The following TPTE variants were observed in gnomAD, a reference collection of about 807,000 sequenced individuals.
The protein encoded by TPTE is transmembrane phosphatase with tensin homology.
A neutral mutation model predicts 84.1 loss-of-function variants in TPTE; 59 were observed. That is an observed-to-expected ratio of 0.70 (90% CI 0.57 to 0.87). The LOEUF (loss-of-function observed/expected upper bound fraction) is 0.87. Among genes scored for constraint, TPTE ranks in the 40% least tolerant of loss-of-function variants. The pLI is 0.00. For synonymous variants in TPTE, 130 were observed against 223.5 expected, an observed-to-expected ratio of 0.58 and a Z score of 3.73; for missense variants, 382 against 659.6, an observed-to-expected ratio of 0.58 and a Z score of 4.61.
intron 14 of TPTE, among the ~76,000 whole-genome samples, chr21:10,572,583 A>G (rs1473204145): frequency 6.6e-6 from 1 of 152,118 alleles, no homozygotes; most frequent in Non-Finnish European, 1.5e-5. Context: ...AGACAATAAG[A>G]TGGGATGATA....
chr21:10,542,387 T>C lies in TPTE; in HGVS notation c.66-8T>C. 6.2e-7 allele frequency: 1 copy of C among 1,610,942 alleles called. No homozygotes were observed. Among genetic ancestry groups the C allele is most frequent in the Non-Finnish European group, 8.5e-7 (1 of 1,177,748 alleles). ...CCTCTCTGACTGTTTTCTCTTATCA[T>C]CCACTAGTCCACAGACAAGTGAATT... On this transcript the variant is annotated splice_region_variant and splice_polypyrimidine_tract_variant and intron_variant, in intron 5 of 23. Transcript: ENST00000618007.
At chr21:10,575,689 G>T (rs1163245564) in intron 14 of TPTE, among the ~76,000 whole-genome samples, 1 of 152,304 alleles carries the variant, frequency 6.6e-6, no homozygotes, top group Non-Finnish European at 1.5e-5. Context: ...CTGTTTCTCA[G>T]CCTTCACTGG....
At chr21:10,563,908 C>T (rs1454665957) in intron 10 of TPTE, among the ~76,000 whole-genome samples, 1 of 152,308 alleles carries the variant, frequency 6.6e-6, no homozygotes, top group Non-Finnish European at 1.5e-5. Flanking sequence ...GTAATCCCAG[C>T]AGTTTGGGAG....
At chr21:10,550,368 T>C (rs1205288545) in intron 7 of TPTE, among the ~76,000 whole-genome samples, 4 of 152,306 alleles carry the variant, frequency 2.6e-5, no homozygotes, top group Non-Finnish European at 4.4e-5. Context: ...ACACATAGAC[T>C]GATAATAAAG....
At chr21:10,540,911 A>C (rs554762670) in intron 4 of TPTE, among the ~76,000 whole-genome samples, 1 of 152,422 alleles carries the variant, frequency 6.6e-6, no homozygotes, top group African/African-American at 2.4e-5. Context: ...CTATGGTCAC[A>C]GCCTAAAATG....
intron 6 of TPTE, 111 bp downstream of exon 6, chr21:10,542,559 C>CCATCCATT (rs2074389509): frequency 3.0e-5 from 39 of 1,293,262 alleles, no homozygotes; most frequent in Non-Finnish European, 4.2e-5. Flanking sequence ...ATCCATCCAT[C>CCATCCATT]CATTCATCCA....
intron 19 of TPTE, among the ~76,000 whole-genome samples, chr21:10,592,805 G>GGT (rs4041809): frequency 0.046 from 6,821 of 148,528 alleles, 4 homozygotes; most frequent in African/African-American, 0.11. Flanking sequence ...GATGACTCCT[G>GGT]GTGTGTGTGT....
At chr21:10,532,624 C>T (rs936389130) in intron 3 of TPTE, among the ~76,000 whole-genome samples, 5 of 152,302 alleles carry the variant, frequency 3.3e-5, no homozygotes, top group African/African-American at 1.2e-4. Context: ...CTTATTAATG[C>T]TTATATATTG....
At chr21:10,539,731 G>T (rs2074332431) in intron 4 of TPTE, among the ~76,000 whole-genome samples, 1 of 152,308 alleles carries the variant, frequency 6.6e-6, no homozygotes, top group Middle Eastern at 3.2e-3. Flanking sequence ...TAGTTGGAAG[G>T]TCGGGTGCGG....
chr21:10,604,582 CTTTGTA>C (rs1332695323), intron 23 of TPTE, among the ~76,000 whole-genome samples: 1 of 152,300 alleles, frequency 6.6e-6, no homozygotes, highest in Non-Finnish European at 1.5e-5. Flanking sequence ...ATAGAGTCAA[CTTTGTA>C]TTTGATGGAA....
chr21:10,600,060 C>T (rs113215150), intron 21 of TPTE, among the ~76,000 whole-genome samples: 1 of 152,422 alleles, frequency 6.6e-6, no homozygotes, highest in African/African-American at 2.4e-5. Context: ...CCACCTCAGC[C>T]TCACAAGATG....
chr21:10,540,261 G>A (rs469836), intron 4 of TPTE, among the ~76,000 whole-genome samples: 32,573 of 145,396 alleles, frequency 0.22, 318 homozygotes, highest in African/African-American at 0.48. Context: ...ACATGCATTC[G>A]TACACACAAG....
At chr21:10,557,626 A>G (rs2074709352) in intron 8 of TPTE, among the ~76,000 whole-genome samples, 1 of 152,300 alleles carries the variant, frequency 6.6e-6, no homozygotes, top group Non-Finnish European at 1.5e-5. Context: ...ATCAGCCTTA[A>G]CTCTCCAAGC....
At chr21:10,603,281 T>G in intron 22 of TPTE, among the ~76,000 whole-genome samples, 1 of 152,312 alleles carries the variant, frequency 6.6e-6, no homozygotes, top group East Asian at 1.9e-4. Flanking sequence ...TGGCACTATC[T>G]AAACCAGATT....
chr21:10,540,426 G>A (rs1391671154), intron 4 of TPTE, among the ~76,000 whole-genome samples: 13 of 152,426 alleles, frequency 8.5e-5, no homozygotes, highest in South Asian at 2.1e-4. Flanking sequence ...CTCATAGAGG[G>A]AGGCTTTTTA....
chr21:10,570,654 C>A, intron 14 of TPTE, 105 bp downstream of exon 14: 3 of 1,593,788 alleles, frequency 1.9e-6, no homozygotes, highest in East Asian at 4.5e-5. Context: ...TAAAAATGTA[C>A]TCTTTCAAGG....
intron 11 of TPTE, among the ~76,000 whole-genome samples, chr21:10,568,850 C>T (rs1408792911): frequency 6.6e-6 from 1 of 152,310 alleles, no homozygotes; most frequent in Non-Finnish European, 1.5e-5. Context: ...AAGCACTAGT[C>T]CAGACCATCA....
chr21:10,555,864 A>G (rs972291551), intron 8 of TPTE, among the ~76,000 whole-genome samples: 2 of 152,308 alleles, frequency 1.3e-5, no homozygotes, highest in African/African-American at 4.8e-5. Flanking sequence ...TATCGAGAAT[A>G]AAACTGGACT....
chr21:10,543,687 G>A (rs373782922), intron 7 of TPTE, among the ~76,000 whole-genome samples: 569 of 152,088 alleles, frequency 3.7e-3, no homozygotes, highest in African/African-American at 0.013. Flanking sequence ...GTATAAGGAG[G>A]TCAGTTCGTA....
Sources: gnomAD v4.1 joint callset for allele counts (sites outside exome capture counted in the v4.1 genomes callset) on GRCh38, gnomAD v4.1.1 for gene constraint, MANE v1.5 for transcripts, NCBI Gene and HGNC (gene_info 2026-07-23, HGNC 2026-07-21) for gene names.